The following SAXO4 variants were observed in gnomAD, a reference collection of about 807,000 sequenced individuals.
SAXO4 encodes the protein stabilizer of axonemal microtubules 4.
the SAXO4 span, among the ~76,000 whole-genome samples, chr11:61,485,151 T>G: frequency 6.6e-6 from 1 of 152,128 alleles, no homozygotes; most frequent in Non-Finnish European, 1.5e-5. Context: ...ACAGGGGAAC[T>G]GTGCTTTGTG....
chr11:61,486,232 G>A, the SAXO4 span: 14 of 1,124,462 alleles, frequency 1.2e-5, no homozygotes, highest in Non-Finnish European at 1.7e-5. Context: ...CATTTGAGCT[G>A]AGTCCTCCTC....
At chr11:61,490,095 T>A in the SAXO4 span, 4 of 779,920 alleles carry the variant, frequency 5.1e-6, no homozygotes, top group South Asian at 1.8e-5. Flanking sequence ...TCCCTTCTCC[T>A]GCTAGCACAG....
At chr11:61,489,946 G>C in the SAXO4 span, 1 of 1,608,894 alleles carries the variant, frequency 6.2e-7, no homozygotes, top group Non-Finnish European at 8.5e-7. Context: ...CACGTGGGAA[G>C]GTGGCACCAC....
chr11:61,486,631 G>T, the SAXO4 span: 3 of 1,607,972 alleles, frequency 1.9e-6, no homozygotes, highest in South Asian at 3.3e-5. Context: ...TTGGCGTCTT[G>T]CTCAGAGAAG....
the SAXO4 span, chr11:61,490,361 G>A: frequency 1.3e-6 from 1 of 774,030 alleles, no homozygotes; most frequent in Non-Finnish European, 2.3e-6. Flanking sequence ...AGAGTTGGCA[G>A]GCAAAGAATG....
At chr11:61,483,559 G>A in the SAXO4 span, among the ~76,000 whole-genome samples, 1 of 152,202 alleles carries the variant, frequency 6.6e-6, no homozygotes, top group African/African-American at 2.4e-5. Flanking sequence ...CAGCGAGAAT[G>A]TTCTGAATAT....
At chr11:61,484,638 A>G in the SAXO4 span, 11 of 1,604,246 alleles carry the variant, frequency 6.9e-6, no homozygotes, top group East Asian at 1.3e-4. Context: ...AAGCAGAGTC[A>G]GGGAGTGACT....
At chr11:61,483,919 G>A in the SAXO4 span, among the ~76,000 whole-genome samples, 1 of 151,544 alleles carries the variant, frequency 6.6e-6, no homozygotes, top group Non-Finnish European at 1.5e-5. Context: ...AGATTGCCTG[G>A]GCAATAGAAT....
the SAXO4 span, chr11:61,482,427 G>C: frequency 1.9e-6 from 3 of 1,613,428 alleles, no homozygotes; most frequent in Non-Finnish European, 1.7e-6. Context: ...CCCGGCCAGG[G>C]GGTACGGTCT....
chr11:61,482,540 A>T, the SAXO4 span: 11 of 1,568,246 alleles, frequency 7.0e-6, no homozygotes, highest in Non-Finnish European at 8.8e-6. Context: ...GTCCTGGGTG[A>T]CTCAGGGCAC....
the SAXO4 span, among the ~76,000 whole-genome samples, chr11:61,487,619 A>G: frequency 2.0e-5 from 3 of 152,238 alleles, no homozygotes; most frequent in Non-Finnish European, 4.4e-5. Context: ...CCAGGGCAAC[A>G]TTAAAGCCCA....
chr11:61,486,324 C>T, the SAXO4 span: 191 of 1,612,792 alleles, frequency 1.2e-4, no homozygotes, highest in East Asian at 4.0e-3. Flanking sequence ...GGCTGACATC[C>T]TCTGTGGGCC....
the SAXO4 span, chr11:61,482,034 G>A: frequency 2.1e-5 from 16 of 772,920 alleles, no homozygotes; most frequent in Admixed American, 2.8e-5. Flanking sequence ...TGCTGAATCC[G>A]TTTGTCCCCT....
chr11:61,488,783 T>C, the SAXO4 span: 2 of 152,548 alleles, frequency 1.3e-5, no homozygotes, highest in South Asian at 2.0e-4. Flanking sequence ...CAAGCCCTGC[T>C]CCAGGCCCTG....
chr11:61,489,853 C>T, the SAXO4 span: 9 of 1,613,758 alleles, frequency 5.6e-6, no homozygotes, highest in Non-Finnish European at 2.5e-6. Flanking sequence ...CCCCAGATGC[C>T]AGGAGGCTAC....
the SAXO4 span, chr11:61,486,482 GC>G: frequency 6.2e-7 from 1 of 1,611,990 alleles, no homozygotes; most frequent in South Asian, 1.1e-5. Flanking sequence ...GGTGGGGGAG[GC>G]AGCCACATCC....
the SAXO4 span, chr11:61,489,869 C>T: frequency 2.5e-6 from 4 of 1,613,800 alleles, no homozygotes; most frequent in South Asian, 4.4e-5. Context: ...GCTACGCCCT[C>T]AGCCAGCCGG....
the SAXO4 span, among the ~76,000 whole-genome samples, chr11:61,487,988 C>CTT: frequency 6.3e-3 from 845 of 133,230 alleles, 4 homozygotes; most frequent in Non-Finnish European, 9.1e-3. Context: ...TCTTCTTCTT[C>CTT]TTTTTTTTTT....
At chr11:61,487,271 A>G in the SAXO4 span, 1 of 1,574,588 alleles carries the variant, frequency 6.4e-7, no homozygotes, top group Non-Finnish European at 8.7e-7. Flanking sequence ...CAAAGCTGAA[A>G]CCCATTTGAG....
Sources: allele counts gnomAD v4.1 joint callset (sites outside exome capture counted in the v4.1 genomes callset), GRCh38; gene constraint gnomAD v4.1.1; transcripts MANE v1.5; gene names NCBI Gene and HGNC (gene_info 2026-07-23, HGNC 2026-07-21).